The following HDAC8 variants were observed in gnomAD, a reference collection of about 807,000 sequenced individuals.
The protein encoded by HDAC8 is histone deacetylase 8, also known as histone deacetylase-like 1.
HDAC8 carries 1 observed loss-of-function variant against 32.2 expected under a neutral mutation model. The observed-to-expected ratio is 0.03, with a 90% confidence interval of 0.01 to 0.15. The LOEUF (loss-of-function observed/expected upper bound fraction) is 0.15, where lower values mean the gene tolerates loss of function less well. Ranked by LOEUF, HDAC8 falls within the 10% of genes least tolerant of loss-of-function variation. The pLI is 1.00. For missense variants in HDAC8, 117 were observed against 300.0 expected (o/e 0.39, Z 4.51); for synonymous variants, 108 against 113.9 (o/e 0.95, Z 0.33).
chrX:72,386,515 T>G (rs782163056), intron 9 of HDAC8, among the ~76,000 whole-genome samples: 57 of 111,754 alleles, frequency 5.1e-4, no homozygotes, highest in African/African-American at 1.8e-3. Flanking sequence ...TGGGAATAAG[T>G]GTGTTTGTTA....
intron 9 of HDAC8, among the ~76,000 whole-genome samples, chrX:72,354,669 T>A (rs1396214517): frequency 6.3e-5 from 7 of 111,752 alleles, no homozygotes; most frequent in African/African-American, 2.3e-4. Context: ...AAGCTTCATT[T>A]AAAAAAAATT....
chrX:72,540,984 A>C (rs931735627), intron 4 of HDAC8, among the ~76,000 whole-genome samples: 4 of 111,602 alleles, frequency 3.6e-5, no homozygotes, highest in Admixed American at 1.9e-4. Flanking sequence ...CTAGGCAGTG[A>C]AGCTATAGTA....
At chrX:72,377,294 CA>C (rs781830070) in intron 9 of HDAC8, 2 of 111,783 alleles carry the variant, frequency 1.8e-5, no homozygotes, top group Admixed American at 9.5e-5. Flanking sequence ...AATTTAATTC[CA>C]AAGTACTTTG....
intron 4 of HDAC8, among the ~76,000 whole-genome samples, chrX:72,515,586 GT>G (rs782499203): frequency 9.5e-5 from 6 of 63,210 alleles, no homozygotes; most frequent in South Asian, 2.7e-3. Flanking sequence ...TTCAGTGTGT[GT>G]GGGGGGGGGG....
intron 4 of HDAC8, among the ~76,000 whole-genome samples, chrX:72,497,174 C>T (rs927812539): frequency 2.3e-4 from 25 of 111,092 alleles, no homozygotes; most frequent in Non-Finnish European, 3.2e-4. Flanking sequence ...ATGGCAATAG[C>T]CTGAATAATA....
intron 9 of HDAC8, among the ~76,000 whole-genome samples, chrX:72,451,638 T>A (rs1030779545): frequency 8.9e-6 from 1 of 112,842 alleles, no homozygotes; most frequent in Middle Eastern, 4.6e-3. Context: ...AAACTGTAAA[T>A]GTAGAATTTA....
intron 9 of HDAC8, among the ~76,000 whole-genome samples, chrX:72,355,925 G>T (rs781882064): frequency 3.6e-5 from 4 of 111,869 alleles, no homozygotes; most frequent in Non-Finnish European, 7.5e-5. Context: ...AATAAGACAC[G>T]TTTCATAGGA....
intron 4 of HDAC8, among the ~76,000 whole-genome samples, chrX:72,516,695 A>C (rs1344202129): frequency 4.5e-5 from 5 of 112,120 alleles, no homozygotes; most frequent in Non-Finnish European, 9.4e-5. Context: ...TTCCCATCAC[A>C]GGTGGGCCTT....
intron 9 of HDAC8, among the ~76,000 whole-genome samples, chrX:72,446,561 G>A (rs1183731133): frequency 1.1e-4 from 12 of 110,779 alleles, no homozygotes; most frequent in African/African-American, 2.6e-4. Context: ...GGGAGGGATA[G>A]CATTAGGAGA....
At chrX:72,496,342 C>T (rs1369831834) in intron 4 of HDAC8, among the ~76,000 whole-genome samples, 2 of 110,098 alleles carry the variant, frequency 1.8e-5, no homozygotes, top group Admixed American at 2.0e-4. Context: ...GACATGTACA[C>T]TGGCAAGCAG....
chrX:72,545,714 T>C (rs181329962), intron 4 of HDAC8, among the ~76,000 whole-genome samples: 127 of 112,033 alleles, frequency 1.1e-3, no homozygotes, highest in Middle Eastern at 4.6e-3. Flanking sequence ...GGGTTGGACA[T>C]GTATTGACAG....
intron 4 of HDAC8, among the ~76,000 whole-genome samples, chrX:72,562,021 C>A (rs1164647816): frequency 3.6e-5 from 4 of 111,562 alleles, no homozygotes; most frequent in African/African-American, 9.8e-5. Flanking sequence ...ATAAAAAAAT[C>A]AAAAAATAAT....
intron 9 of HDAC8, among the ~76,000 whole-genome samples, chrX:72,417,448 A>T (rs1011193948): frequency 8.9e-6 from 1 of 111,823 alleles, no homozygotes; most frequent in Non-Finnish European, 1.9e-5. Context: ...CAGCCAAATC[A>T]AAAACGCAAT....
At chrX:72,513,672 C>A (rs922860578) in intron 4 of HDAC8, among the ~76,000 whole-genome samples, 1 of 110,220 alleles carries the variant, frequency 9.1e-6, no homozygotes, top group East Asian at 2.8e-4. Context: ...TTGTAAAATG[C>A]CTAGAGAATG....
intron 4 of HDAC8, among the ~76,000 whole-genome samples, chrX:72,532,249 ATTTTTTTTTTT>A (rs34829256): frequency 1.8e-5 from 1 of 54,193 alleles, no homozygotes; most frequent in Non-Finnish European, 3.1e-5. Flanking sequence ...CGTGTTGGGC[ATTTTTTTTTTT>A]TTTTTTTTTT....
intron 4 of HDAC8, among the ~76,000 whole-genome samples, chrX:72,539,506 C>T (rs1603207116): frequency 9.0e-6 from 1 of 110,742 alleles, no homozygotes; most frequent in East Asian, 2.8e-4. Context: ...TCCCAAAGTA[C>T]TGGGATTACA....
chrX:72,421,585 G>A (rs1475996131), intron 9 of HDAC8, among the ~76,000 whole-genome samples: 1 of 112,351 alleles, frequency 8.9e-6, no homozygotes, highest in Non-Finnish European at 1.9e-5. Flanking sequence ...TTATGTTGTT[G>A]TTGTCACAGA....
intron 4 of HDAC8, among the ~76,000 whole-genome samples, chrX:72,551,842 C>T (rs1453168973): frequency 1.8e-5 from 2 of 111,981 alleles, no homozygotes; most frequent in Admixed American, 1.9e-4. Flanking sequence ...TGACCTTGTC[C>T]TATTTGCCCT....
At chrX:72,515,181 T>G (rs942917933) in intron 4 of HDAC8, among the ~76,000 whole-genome samples, 2 of 111,078 alleles carry the variant, frequency 1.8e-5, no homozygotes, top group African/African-American at 6.5e-5. Flanking sequence ...CTGTATCCCC[T>G]GACCAACATC....
Sources: gnomAD v4.1 joint callset for allele counts (sites outside exome capture counted in the v4.1 genomes callset) on GRCh38, gnomAD v4.1.1 for gene constraint, MANE v1.5 for transcripts, NCBI Gene and HGNC (gene_info 2026-07-23, HGNC 2026-07-21) for gene names.